PCDHA2: variants seen among roughly 807,000 people sequenced by gnomAD.
PCDHA2 encodes the protein protocadherin alpha 2, also known as protocadherin alpha-2.
A neutral mutation model predicts 66.0 loss-of-function variants in PCDHA2; 58 were observed. The observed-to-expected ratio is 0.88, with a 90% CI of 0.71 to 1.09. The LOEUF is 1.09. PCDHA2 is among the 50% of genes least tolerant of loss of function. The probability of loss-of-function intolerance (pLI) is 0.00; values close to 1 mark genes in which losing one functional copy is unlikely to be tolerated. For missense variants in PCDHA2, 1,267 were observed against 1,242.3 expected (o/e 1.02, Z -0.30); for synonymous variants, 634 against 554.0 (o/e 1.14, Z -2.03).
At chr5:140,882,141 A>G in intron 1 of PCDHA2, 3 of 1,491,636 alleles carry the variant, frequency 2.0e-6, no homozygotes, top group South Asian at 1.4e-5. Flanking sequence ...CAGAAAATAT[A>G]GCAGAAAGCG....
chr5:140,924,647 C>G (rs1396293249), intron 1 of PCDHA2, among the ~76,000 whole-genome samples: 1 of 152,132 alleles, frequency 6.6e-6, no homozygotes, highest in East Asian at 1.9e-4. Context: ...GTAATCCCAG[C>G]ACTTTGGGAG....
chr5:140,957,322 A>G (rs1356606026), intron 1 of PCDHA2, among the ~76,000 whole-genome samples: 4 of 152,202 alleles, frequency 2.6e-5, no homozygotes, highest in Admixed American at 2.0e-4. Context: ...AGGTGAGCAC[A>G]GTACAGTAAG....
rs116232949 is a variant in PCDHA2, at chr5:140,982,448, G to A, written c.2448-27G>A. The A allele has an allele frequency of 4.0e-3, 6,396 of 1,613,770 alleles. 180 individuals carry two copies. In the African/African-American group the frequency reaches 0.067, roughly 17 times the overall value. ...ATGGGAAAGAATTTATGATCTAACC[G>A]TTATCTGGGTCTGTGTGTTTATTCA... On this transcript the variant is annotated intron_variant, in intron 2 of 3. Coordinates refer to ENST00000526136, the MANE Select transcript of PCDHA2 (RefSeq NM_018905.3).
intron 1 of PCDHA2, chr5:140,929,602 A>G: frequency 2.4e-6 from 1 of 417,610 alleles, no homozygotes; most frequent in Non-Finnish European, 4.3e-6. Flanking sequence ...CTAAAATTAA[A>G]AATAAAATAC....
At chr5:140,966,680 A>AGCG in intron 1 of PCDHA2, 1 of 1,317,158 alleles carries the variant, frequency 7.6e-7, no homozygotes, top group Non-Finnish European at 9.8e-7. Flanking sequence ...GGGTGGCACG[A>AGCG]GCGGAGGCGG....
chr5:140,802,149 A>G lies in PCDHA2; in HGVS notation c.2388+4797A>G, dbSNP rs3733708. 850,393 of 1,613,974 alleles carry G rather than the reference A, an allele frequency of 0.53. 224,685 individuals carry two copies. The highest frequency in any genetic ancestry group is 0.58 in the Middle Eastern group (3,522 of 6,060). On this transcript the variant is annotated intron_variant, in intron 1 of 3. Coordinates refer to ENST00000526136, the MANE Select transcript of PCDHA2 (RefSeq NM_018905.3). ...TTTCGAGGAAAGTAAGTCATATGAAATCCAGGTAGAAGCCACGGATAAAGG... is the reference window on the plus strand; with the variant it reads ...TTTCGAGGAAAGTAAGTCATATGAAGTCCAGGTAGAAGCCACGGATAAAGG...
At chr5:140,830,353 G>A in intron 1 of PCDHA2, 1 of 1,614,150 alleles carries the variant, frequency 6.2e-7, no homozygotes, top group Non-Finnish European at 8.5e-7. Context: ...CGCAGCAGAG[G>A]CGGCAGAGGG....
At position 140,883,814 on chromosome 5, in the gene PCDHA2, A is replaced by C. The variant is rs782678422; in HGVS notation, c.2388+86462A>C. 6.2e-7 allele frequency: 1 copy of C among 1,612,478 alleles called. No homozygotes were observed. ...CGTGTCGGTGCACGCGGAGAGCGGC[A>C]AGGTGTACGCGCTGCAGCCGTTGGA... On this transcript the variant is annotated intron_variant, in intron 1 of 3. Coordinates refer to ENST00000526136, the MANE Select transcript of PCDHA2 (RefSeq NM_018905.3).
intron 1 of PCDHA2, chr5:140,843,791 A>G (rs2150366777): frequency 7.3e-7 from 1 of 1,376,400 alleles, no homozygotes; most frequent in Admixed American, 2.2e-5. Flanking sequence ...TTTCAGATTT[A>G]GTTTTTCACC....
At chr5:140,897,782 T>G (rs1378743158) in intron 1 of PCDHA2, among the ~76,000 whole-genome samples, 6 of 152,182 alleles carry the variant, frequency 3.9e-5, no homozygotes, top group Admixed American at 3.9e-4. Flanking sequence ...CCACAATGGT[T>G]GAACTAGTTT....
Position 140,880,405 on chromosome 5 carries a change from G to T in PCDHA2, c.2388+83053G>T, listed in dbSNP as rs183953148. Among the ~76,000 whole-genome samples, 426 of 152,300 alleles carry T rather than the reference G, an allele frequency of 2.8e-3. 2 individuals carry two copies. The highest frequency in any genetic ancestry group is 0.014 in the Middle Eastern group (4 of 294). On this transcript the variant is annotated intron_variant, in intron 1 of 3. Coordinates refer to ENST00000526136, the MANE Select transcript of PCDHA2 (RefSeq NM_018905.3). ...AAATAATTTTTAAGAGCATATGGTTGACCTTAAAAGCGGGAACAGTTTTTC... is the reference window on the plus strand; with the variant it reads ...AAATAATTTTTAAGAGCATATGGTTTACCTTAAAAGCGGGAACAGTTTTTC...
chr5:140,829,894 A>G lies in PCDHA2; in HGVS notation c.2388+32542A>G, dbSNP rs201316180. The G allele has an allele frequency of 1.1e-4, 179 of 1,613,954 alleles. No homozygotes were observed. In the East Asian group the frequency reaches 2.9e-3, roughly 27 times the overall value. On this transcript the variant is annotated intron_variant, in intron 1 of 3. Transcript: ENST00000526136. ...AGGTGCGCGCAGTTGACGCCGACTC[A>G]GGCTACAACGCGTGGCTTTCGTATG... is the stretch of plus-strand genomic sequence containing the variant.
intron 3 of PCDHA2, among the ~76,000 whole-genome samples, chr5:140,997,565 A>G (rs552009994): frequency 6.6e-6 from 1 of 152,292 alleles, no homozygotes; most frequent in South Asian, 2.1e-4. Flanking sequence ...CAACTGTCAT[A>G]TGTGTGGTCC....
chr5:140,820,235 G>A (rs1285807368), intron 1 of PCDHA2, among the ~76,000 whole-genome samples: 1 of 151,950 alleles, frequency 6.6e-6, no homozygotes, highest in East Asian at 1.9e-4. Flanking sequence ...TGATAATAGA[G>A]ATAGTAAAAA....
chr5:140,814,250 A>G (rs1436384389), intron 1 of PCDHA2: 1 of 152,380 alleles, frequency 6.6e-6, no homozygotes, highest in East Asian at 1.9e-4. Context: ...AAATGAAGAT[A>G]TAAACACCCA....
intron 1 of PCDHA2, among the ~76,000 whole-genome samples, chr5:140,873,809 C>T (rs1554166897): frequency 6.6e-6 from 1 of 152,138 alleles, no homozygotes; most frequent in Non-Finnish European, 1.5e-5. Context: ...TACAGGCATG[C>T]ACCACCACTC....
At chr5:140,957,029 T>G (rs782472701) in intron 1 of PCDHA2, among the ~76,000 whole-genome samples, 4 of 152,190 alleles carry the variant, frequency 2.6e-5, no homozygotes, top group African/African-American at 4.8e-5. Flanking sequence ...TTTAGATATT[T>G]ATGGGAGTCA....
At chr5:140,919,858 T>C (rs1392372108) in intron 1 of PCDHA2, among the ~76,000 whole-genome samples, 1 of 152,246 alleles carries the variant, frequency 6.6e-6, no homozygotes, top group Non-Finnish European at 1.5e-5. Flanking sequence ...TGACCTCATT[T>C]GGAAATAAGT....
chr5:140,969,557 A>G, intron 1 of PCDHA2: 2 of 1,212,410 alleles, frequency 1.6e-6, no homozygotes, highest in South Asian at 3.3e-5. Context: ...AGCCTTGTCC[A>G]TAAAATTGTT....
Sources: allele counts gnomAD v4.1 joint callset (sites outside exome capture counted in the v4.1 genomes callset), GRCh38; gene constraint gnomAD v4.1.1; transcripts MANE v1.5; gene names NCBI Gene and HGNC (gene_info 2026-07-23, HGNC 2026-07-21).